GRM3: variants seen among roughly 807,000 people sequenced by gnomAD.
GRM3 encodes the protein metabotropic glutamate receptor 3.
A neutral mutation model predicts 70.5 loss-of-function variants in GRM3; 26 were observed. The ratio of observed to expected loss-of-function variants is 0.37; its 90% confidence interval spans 0.27 to 0.51. GRM3 has a LOEUF of 0.51. Ranked by LOEUF, GRM3 falls within the 20% of genes least tolerant of loss-of-function variation. The pLI is 0.93. For synonymous variants in GRM3, 443 were observed against 434.9 expected (o/e 1.02, Z -0.23); for missense variants, 859 against 1,123.8 (o/e 0.76, Z 3.37).
At chr7:86,775,631 T>C (rs1342213515) in intron 2 of GRM3, among the ~76,000 whole-genome samples, 1 of 152,124 alleles carries the variant, frequency 6.6e-6, no homozygotes, top group Non-Finnish European at 1.5e-5. Flanking sequence ...TATAATTGTA[T>C]ATAAAATTCT....
chr7:86,841,119 T>A (rs1261498117), intron 4 of GRM3, among the ~76,000 whole-genome samples: 1 of 152,188 alleles, frequency 6.6e-6, no homozygotes, highest in Non-Finnish European at 1.5e-5. Flanking sequence ...AAACATCATG[T>A]TGTACATAAA....
intron 3 of GRM3, among the ~76,000 whole-genome samples, chr7:86,812,074 C>A (rs2116658512): frequency 6.6e-6 from 1 of 151,836 alleles, no homozygotes; most frequent in South Asian, 2.1e-4. Flanking sequence ...AGGGTATGAG[C>A]AATTGTCTGT....
At chr7:86,709,835 GACTT>G (rs1795151197) in intron 1 of GRM3, among the ~76,000 whole-genome samples, 1 of 152,124 alleles carries the variant, frequency 6.6e-6, no homozygotes, top group East Asian at 1.9e-4. Flanking sequence ...TATATCCTAA[GACTT>G]AGTAGATGTA....
chr7:86,693,811 A>C (rs1435697373), intron 1 of GRM3, among the ~76,000 whole-genome samples: 1 of 152,238 alleles, frequency 6.6e-6, no homozygotes, highest in East Asian at 1.9e-4. Context: ...ATACTGTGTT[A>C]GATCTGGAAG....
At chr7:86,645,980 TGGGCGGG>T (rs1793452052) in intron 1 of GRM3, among the ~76,000 whole-genome samples, 8 of 50,178 alleles carry the variant, frequency 1.6e-4, no homozygotes, top group African/African-American at 7.6e-4. Flanking sequence ...TTCTTTGTGG[TGGGCGGG>T]GGGGTGGGGG....
intron 1 of GRM3, among the ~76,000 whole-genome samples, chr7:86,740,894 C>T (rs1037059303): frequency 1.2e-4 from 18 of 152,152 alleles, no homozygotes; most frequent in Admixed American, 1.0e-3. Context: ...TATTACTTAG[C>T]ACATTGTGGA....
intron 3 of GRM3, among the ~76,000 whole-genome samples, chr7:86,826,928 T>C (rs539536277): frequency 6.6e-6 from 1 of 152,330 alleles, no homozygotes; most frequent in African/African-American, 2.4e-5. Flanking sequence ...GCCGGTATTA[T>C]GACTCAGGCA....
intron 1 of GRM3, among the ~76,000 whole-genome samples, chr7:86,761,185 A>G (rs1276168577): frequency 6.6e-6 from 1 of 152,174 alleles, no homozygotes; most frequent in Non-Finnish European, 1.5e-5. Context: ...TATCCAACCC[A>G]TAGCCTAGTG....
At chr7:86,743,913 T>G (rs1354138852) in intron 1 of GRM3, among the ~76,000 whole-genome samples, 1 of 152,166 alleles carries the variant, frequency 6.6e-6, no homozygotes, top group Non-Finnish European at 1.5e-5. Context: ...AATAAGATAC[T>G]ACACTGAAAG....
intron 3 of GRM3, among the ~76,000 whole-genome samples, chr7:86,825,548 C>G (rs1297096758): frequency 6.6e-6 from 1 of 152,182 alleles, no homozygotes; most frequent in Non-Finnish European, 1.5e-5. Flanking sequence ...CTTGTATTCT[C>G]TTTACGTGAT....
At chr7:86,736,377 C>A (rs1795858784) in intron 1 of GRM3, among the ~76,000 whole-genome samples, 2 of 152,178 alleles carry the variant, frequency 1.3e-5, no homozygotes, top group African/African-American at 2.4e-5. Context: ...ATTAATGTAG[C>A]TGCCAAAGTT....
At chr7:86,733,945 G>C (rs1190868987) in intron 1 of GRM3, among the ~76,000 whole-genome samples, 1 of 152,244 alleles carries the variant, frequency 6.6e-6, no homozygotes, top group Non-Finnish European at 1.5e-5. Flanking sequence ...AATAAGCGGA[G>C]CTGTGTGCCT....
intron 3 of GRM3, among the ~76,000 whole-genome samples, chr7:86,796,536 G>C (rs933240180): frequency 6.6e-6 from 1 of 152,030 alleles, no homozygotes; most frequent in Non-Finnish European, 1.5e-5. Context: ...GGACTCTCTT[G>C]GCTATATGGG....
At chr7:86,813,341 C>G (rs1797950912) in intron 3 of GRM3, among the ~76,000 whole-genome samples, 1 of 151,712 alleles carries the variant, frequency 6.6e-6, no homozygotes, top group Admixed American at 6.6e-5. Context: ...GCATCTTGCA[C>G]ATCATCCAAA....
intron 3 of GRM3, among the ~76,000 whole-genome samples, chr7:86,810,058 GT>G: frequency 6.6e-6 from 1 of 152,102 alleles, no homozygotes; most frequent in Admixed American, 6.6e-5. Context: ...AGTGTAAAAT[GT>G]AGTAAACTCT....
At position 86,787,066 on chromosome 7, in the gene GRM3, T is replaced by C. The variant is rs759170880; in HGVS notation, c.1274T>C (p.Leu425Pro). 2.5e-6 allele frequency: 4 copies of C among 1,612,506 alleles called. No individual in the cohort carries two copies. The South Asian group carries it at 4.4e-5, about 18-fold the overall frequency. The part of the protein sequence containing the change: ...TTKLCDAMKI[L>P]DGKKLYKDYL... Reference sequence around the variant, plus strand: ...AAGCTTTGTGATGCTATGAAGATCCTGGATGGGAAGAAGTTGTACAAGGAT... The same window carrying C: ...AAGCTTTGTGATGCTATGAAGATCCCGGATGGGAAGAAGTTGTACAAGGAT... Residue 425 changes from leucine (L) to proline (P), a missense_variant, in exon 3 of 6, where the codon CTG (leucine) becomes CCG (proline). Transcript: ENST00000361669.
intron 1 of GRM3, among the ~76,000 whole-genome samples, chr7:86,693,626 T>C (rs192349050): frequency 3.9e-5 from 6 of 152,318 alleles, no homozygotes; most frequent in Admixed American, 2.0e-4. Flanking sequence ...CATTCTTATG[T>C]TTTTAATCAT....
At chr7:86,835,350 G>C (rs73706818) in intron 3 of GRM3, among the ~76,000 whole-genome samples, 299 of 152,076 alleles carry the variant, frequency 2.0e-3, no homozygotes, top group African/African-American at 5.7e-3. Context: ...TAAATTTGAA[G>C]TGCATTAAAT....
chr7:86,763,462 C>T (rs1332232716), intron 1 of GRM3, among the ~76,000 whole-genome samples: 1 of 152,126 alleles, frequency 6.6e-6, no homozygotes, highest in African/African-American at 2.4e-5. Flanking sequence ...TCAAAGAATT[C>T]AACAGCAGGT....
Sources: gnomAD v4.1 joint callset for allele counts (sites outside exome capture counted in the v4.1 genomes callset) on GRCh38, gnomAD v4.1.1 for gene constraint, MANE v1.5 for transcripts, NCBI Gene and HGNC (gene_info 2026-07-23, HGNC 2026-07-21) for gene names.